The following LMBRD2 variants were observed in gnomAD, a reference collection of about 807,000 sequenced individuals.
LMBRD2 encodes the protein LMBR1 domain containing 2, also known as G protein-coupled receptor-associated protein LMBRD2.
A neutral mutation model predicts 94.4 loss-of-function variants in LMBRD2; 55 were observed. That is an observed-to-expected ratio of 0.58 (90% confidence interval 0.47 to 0.73). LMBRD2 has a LOEUF of 0.73. Among genes scored for constraint, LMBRD2 ranks in the 30% least tolerant of loss-of-function variants. LMBRD2 has a pLI of 0.00. For synonymous variants in LMBRD2, 246 were observed against 272.4 expected (o/e 0.90, Z 0.95); for missense variants, 640 against 831.9 (o/e 0.77, Z 2.84).
chr5:36,106,084 A>G (rs892513519), intron 16 of LMBRD2, among the ~76,000 whole-genome samples: 4 of 151,532 alleles, frequency 2.6e-5, no homozygotes, highest in African/African-American at 9.7e-5. Context: ...TACATGCTAG[A>G]TTCTCTCTAA....
chr5:36,113,794 T>C (rs1015383576), intron 13 of LMBRD2, among the ~76,000 whole-genome samples: 6 of 152,160 alleles, frequency 3.9e-5, no homozygotes, highest in Admixed American at 6.6e-5. Context: ...AGGCCTGACA[T>C]GTAAAAAGAA....
chr5:36,109,728 A>G (rs1743558802), intron 15 of LMBRD2, among the ~76,000 whole-genome samples: 1 of 152,096 alleles, frequency 6.6e-6, no homozygotes, highest in Non-Finnish European at 1.5e-5. Flanking sequence ...TGCTAAACAC[A>G]AAGAAATTTA....
intron 16 of LMBRD2, among the ~76,000 whole-genome samples, chr5:36,106,509 G>GTTTTTTT (rs70973085): frequency 1.7e-5 from 2 of 119,410 alleles, no homozygotes; most frequent in East Asian, 2.4e-4. Flanking sequence ...TTTTTCTTTC[G>GTTTTTTT]TTTTTTTTTT....
chr5:36,145,217 A>G (rs1242772634), intron 1 of LMBRD2, among the ~76,000 whole-genome samples: 1 of 152,208 alleles, frequency 6.6e-6, no homozygotes, highest in Non-Finnish European at 1.5e-5. Flanking sequence ...TAGTACATAC[A>G]CTATTTTTCT....
chr5:36,107,440 T>C (rs1010419264), intron 16 of LMBRD2, among the ~76,000 whole-genome samples: 2 of 152,252 alleles, frequency 1.3e-5, no homozygotes, highest in Non-Finnish European at 1.5e-5. Flanking sequence ...CTAGACATTA[T>C]GTGTAAAAGA....
chr5:36,139,586 T>C (rs1744354324), intron 4 of LMBRD2, among the ~76,000 whole-genome samples: 1 of 152,216 alleles, frequency 6.6e-6, no homozygotes, highest in Admixed American at 6.5e-5. Flanking sequence ...CAGTGCACAC[T>C]TTCTCCTCTC....
At chr5:36,109,095 C>T (rs779942515) in intron 15 of LMBRD2, among the ~76,000 whole-genome samples, 1 of 152,042 alleles carries the variant, frequency 6.6e-6, no homozygotes, top group African/African-American at 2.4e-5. Context: ...ATCTTAAATG[C>T]AGTCAAACCA....
chr5:36,124,819 C>G (rs924959214), intron 6 of LMBRD2, among the ~76,000 whole-genome samples: 1 of 152,052 alleles, frequency 6.6e-6, no homozygotes, highest in Non-Finnish European at 1.5e-5. Context: ...GAGGCTGAGA[C>G]AGGTGGATCA....
At position 36,118,508 on chromosome 5, in the gene LMBRD2, G is replaced by C. The variant is rs1581047918; in HGVS notation, c.1121-592C>G. Among the ~76,000 whole-genome samples the C allele has an allele frequency of 2.6e-5, 4 of 151,946 alleles. No homozygotes were observed. The East Asian group carries it at 5.8e-4, about 22-fold the overall frequency. ...AGAAAATATACACGGAAACATTTAG[G>C]AACAAGGAGGCATCATGTCTGGATA... On this transcript the variant is annotated intron_variant, in intron 9 of 17. Coordinates refer to ENST00000296603, the MANE Select transcript of LMBRD2 (RefSeq NM_001007527.2).
At position 36,132,570 on chromosome 5, in the gene LMBRD2, G is replaced by A. The variant is rs530801305; in HGVS notation, c.747+3739C>T. 3.3e-5 allele frequency among the ~76,000 whole-genome samples: 5 copies of A among 150,418 alleles called. No homozygotes were observed. The South Asian group carries it at 1.0e-3, about 32-fold the overall frequency. On this transcript the variant is annotated intron_variant, in intron 6 of 17. Coordinates refer to ENST00000296603, the MANE Select transcript of LMBRD2 (RefSeq NM_001007527.2). ...TTTGTAAACTATCTTTCTGACAAGA[G>A]GTTAATAACCAGAATATATAAGGAA...
intron 6 of LMBRD2, among the ~76,000 whole-genome samples, chr5:36,125,827 TCTGATTAA>T (rs1216488710): frequency 2.0e-5 from 3 of 152,168 alleles, no homozygotes; most frequent in Non-Finnish European, 1.5e-5. Context: ...GAATGTAGAT[TCTGATTAA>T]CTGATTATTT....
intron 17 of LMBRD2, 37 bp downstream of exon 17, chr5:36,105,031 G>C: frequency 6.3e-7 from 1 of 1,599,986 alleles, no homozygotes; most frequent in Non-Finnish European, 8.5e-7. Flanking sequence ...AAAGTGTAGA[G>C]GAATGCTAGA....
Position 36,127,120 on chromosome 5 carries a change from A to C in LMBRD2, c.748-2855T>G, listed in dbSNP as rs557970450. Among the ~76,000 whole-genome samples the C allele has an allele frequency of 9.8e-5, 15 of 152,374 alleles. No individual in the cohort carries two copies. The South Asian group carries it at 2.9e-3, about 29-fold the overall frequency. On this transcript the variant is annotated intron_variant, in intron 6 of 17. Transcript: ENST00000296603. ...ACTCTGTCCAATTTTCTACTCTAGA[A>C]AGTCAGTAGAATAGGAATTTCTATT...
At chr5:36,136,989 T>C (rs1744286591) in intron 5 of LMBRD2, among the ~76,000 whole-genome samples, 3 of 152,102 alleles carry the variant, frequency 2.0e-5, no homozygotes, top group African/African-American at 4.8e-5. Flanking sequence ...TATTTTATCA[T>C]AAAAATTTTG....
Position 36,111,149 on chromosome 5 carries a change from T to C in LMBRD2, c.1744+6A>G. On this transcript the variant is annotated splice_donor_region_variant and intron_variant, in intron 14 of 17. Coordinates refer to ENST00000296603, the MANE Select transcript of LMBRD2 (RefSeq NM_001007527.2). ...CCCTTCATTTATTTTAAAAGACAAA[T>C]CTTACCTTTTCTGATTAATTCTTTT... The C allele has an allele frequency of 6.5e-7, 1 of 1,531,896 alleles. No homozygotes were observed. The allele number at this position is 1,531,896 out of a possible 1,614,324, so 94.9% of individuals were successfully genotyped here.
At chr5:36,129,839 T>C (rs1347550536) in intron 6 of LMBRD2, among the ~76,000 whole-genome samples, 2 of 152,278 alleles carry the variant, frequency 1.3e-5, no homozygotes, top group Admixed American at 6.5e-5. Flanking sequence ...ATATACACCA[T>C]GGAATACTAT....
chr5:36,147,341 AAGG>A (rs1390236460), intron 1 of LMBRD2, among the ~76,000 whole-genome samples: 2 of 152,172 alleles, frequency 1.3e-5, no homozygotes, highest in Admixed American at 1.3e-4. Flanking sequence ...TTTAGGGAAG[AAGG>A]AGAAGAAAGG....
At position 36,108,570 on chromosome 5, in the gene LMBRD2, T is replaced by C. The variant is rs1182516193; in HGVS notation, c.1861A>G (p.Lys621Glu). The C allele has an allele frequency of 6.3e-7, 1 of 1,595,510 alleles. No homozygotes were observed. The highest frequency in any genetic ancestry group is 1.3e-5 in the African/African-American group (1 of 74,736). ...TTAACATCTGAGAAGTTTGACTCTT[T>C]GGGGTCAGTATGAATATTTCTGTTC... ...TRNRNIHTDP[K>E]ESNFSDVNTN... Residue 621 changes from lysine (K) to glutamate (E), a missense_variant, in exon 16 of 18, where the codon AAA (lysine) becomes GAA (glutamate). Coordinates refer to ENST00000296603, the MANE Select transcript of LMBRD2 (RefSeq NM_001007527.2).
rs756811839 is a variant in LMBRD2 at position 36,137,356 on chromosome 5, C to T, written c.454G>A (p.Ala152Thr). ...AGCAAATAGGTGCCATAGTAGATTGCATTCTCAATTAGTGCAGTTTTGATC... is the reference window on the plus strand; with the variant it reads ...AGCAAATAGGTGCCATAGTAGATTGTATTCTCAATTAGTGCAGTTTTGATC... Reference protein sequence around the residue: ...GKIKTALIENAIYYGTYLLIF... With the variant: ...GKIKTALIENTIYYGTYLLIF... The change falls in exon 5 of 18, where the codon GCA becomes ACA. Residue 152 changes from alanine to threonine, a missense_variant. Around this residue, in one of 2 missense-constraint regions of LMBRD2, gnomAD observed 457 missense variants for 642.8 expected, o/e 0.71. Coordinates refer to ENST00000296603, the MANE Select transcript of LMBRD2 (RefSeq NM_001007527.2). 1 of 1,606,700 alleles carries T rather than the reference C, an allele frequency of 6.2e-7. No homozygotes were observed. Among genetic ancestry groups the T allele is most frequent in the South Asian group, 1.1e-5 (1 of 90,194 alleles).
Sources: allele counts gnomAD v4.1 joint callset (sites outside exome capture counted in the v4.1 genomes callset), GRCh38; gene constraint gnomAD v4.1.1; regional missense constraint gnomAD v4.1.1; transcripts MANE v1.5; gene names NCBI Gene and HGNC (gene_info 2026-07-23, HGNC 2026-07-21).